BCL3: variants seen among roughly 807,000 people sequenced by gnomAD.
The protein encoded by BCL3 is B-cell lymphoma 3 protein.
BCL3 carries 15 observed loss-of-function variants against 35.7 expected under a neutral mutation model. The observed-to-expected ratio is 0.42, with a 90% CI of 0.28 to 0.65. The LOEUF (loss-of-function observed/expected upper bound fraction) is 0.65. BCL3 is among the 30% of genes least tolerant of loss of function. BCL3 has a pLI of 0.22. For synonymous variants in BCL3, 311 were observed against 284.3 expected (o/e 1.09, Z -0.95); for missense variants, 565 against 641.7 (o/e 0.88, Z 1.29).
chr19:44,753,535 C>T (rs369237831), intron 2 of BCL3, among the ~76,000 whole-genome samples: 6 of 152,230 alleles, frequency 3.9e-5, no homozygotes, highest in African/African-American at 9.6e-5. Flanking sequence ...CAGCCTCCCC[C>T]CTCCTGGCGC....
Position 44,759,502 on chromosome 19 carries a change from C to T in BCL3, c.1252C>T (p.Pro418Ser). The change falls in exon 9 of 9, where the codon CCT (proline) becomes TCT (serine). Residue 418 changes from proline to serine, a missense_variant. Physicochemically the swap from Pro to Ser is moderately conservative, Grantham distance 74. Coordinates refer to ENST00000164227, the MANE Select transcript of BCL3 (RefSeq NM_005178.5). The part of the protein sequence containing the change: ...PRDPPGFPMA[P>S]PNFFLPSPSP... ...GGACCCCCCTGGATTCCCCATGGCTCCTCCCAATTTCTTCCTTCCTTCCCC... is the reference window on the plus strand; with the variant it reads ...GGACCCCCCTGGATTCCCCATGGCTTCTCCCAATTTCTTCCTTCCTTCCCC... The T allele has an allele frequency of 6.2e-7, 1 of 1,613,234 alleles. No homozygotes were observed. Among genetic ancestry groups the T allele is most frequent in the Non-Finnish European group, 8.5e-7 (1 of 1,179,558 alleles).
At chr19:44,753,058 T>C (rs1157053214) in intron 2 of BCL3, among the ~76,000 whole-genome samples, 1 of 152,094 alleles carries the variant, frequency 6.6e-6, no homozygotes, top group Non-Finnish European at 1.5e-5. Context: ...TAGGATTCAG[T>C]GAGATCTTGT....
At chr19:44,751,056 G>A (rs966079430) in intron 1 of BCL3, among the ~76,000 whole-genome samples, 171 bp from the exon 2 acceptor site, 1 of 152,126 alleles carries the variant, frequency 6.6e-6, no homozygotes, top group East Asian at 1.9e-4. Flanking sequence ...CCAGAGGAGG[G>A]ACGTGGAAGG....
intron 2 of BCL3, among the ~76,000 whole-genome samples, chr19:44,754,085 A>C (rs1422692831): frequency 6.6e-6 from 1 of 152,178 alleles, no homozygotes; most frequent in Non-Finnish European, 1.5e-5. Flanking sequence ...CCAAAGGGCC[A>C]GGGTTTGAGG....
At chr19:44,756,464 G>C (rs1231214655) in intron 3 of BCL3, 124 bp downstream of exon 3, 2 of 687,840 alleles carry the variant, frequency 2.9e-6, no homozygotes, top group Non-Finnish European at 4.3e-6. Flanking sequence ...CTGGGTCTGA[G>C]GGAGGAGGGA....
At chr19:44,753,653 C>T (rs2122289045) in intron 2 of BCL3, among the ~76,000 whole-genome samples, 1 of 152,114 alleles carries the variant, frequency 6.6e-6, no homozygotes, top group East Asian at 1.9e-4. Flanking sequence ...CGGGGGAGGG[C>T]AGTGGGGGCG....
chr19:44,759,708 C>CCT lies in BCL3; in HGVS notation c.*94_*95insTC. The CCT allele has an allele frequency of 1.2e-5, 1 of 80,080 alleles. No individual in the cohort carries two copies. The highest frequency in any genetic ancestry group is 1.8e-5 in the Non-Finnish European group (1 of 54,826). 5.0% of individuals were successfully genotyped at this position (80,080 alleles called of 1,614,324 possible). A position where few individuals can be genotyped will look rare whatever the true frequency, so the allele number is the denominator to read the frequency against. ...TGGAAACTGTGAAGATCTCACTCTG[C>CCT]CCCCCCCCCCCATCTTCGGGACCAG... is the stretch of plus-strand genomic sequence containing the variant. On this transcript the variant is annotated 3_prime_UTR_variant, in exon 9 of 9. Coordinates refer to ENST00000164227, the MANE Select transcript of BCL3 (RefSeq NM_005178.5).
intron 2 of BCL3, among the ~76,000 whole-genome samples, chr19:44,751,664 C>T (rs950265631): frequency 6.6e-6 from 1 of 152,124 alleles, no homozygotes; most frequent in African/African-American, 2.4e-5. Flanking sequence ...TGCAGTGGCA[C>T]GATCTCAGCT....
At chr19:44,751,721 C>G (rs958505147) in intron 2 of BCL3, among the ~76,000 whole-genome samples, 1 of 152,182 alleles carries the variant, frequency 6.6e-6, no homozygotes, top group Non-Finnish European at 1.5e-5. Context: ...CATGCCACAG[C>G]CTCCCGAGTA....
In BCL3 at chr19:44,754,845, C is replaced by G. The variant is rs555372877; in HGVS notation, c.411-1387C>G. On this transcript the variant is annotated intron_variant, in intron 2 of 8. Transcript: ENST00000164227. ...ACGCTGTACTTTACATAAGAGAAAACTGAGGCTCCGAAAGGCCCCCATGGC... is the reference window on the plus strand; with the variant it reads ...ACGCTGTACTTTACATAAGAGAAAAGTGAGGCTCCGAAAGGCCCCCATGGC... Among the ~76,000 whole-genome samples the G allele has an allele frequency of 3.9e-5, 6 of 152,394 alleles. No individual in the cohort carries two copies. In the East Asian group the frequency reaches 1.2e-3, roughly 29 times the overall value.
At chr19:44,748,685 G>A, upstream of BCL3, 2 of 1,043,538 alleles carry the variant, frequency 1.9e-6, no homozygotes, top group Non-Finnish European at 2.3e-6. Flanking sequence ...GCCGACAAAA[G>A]TCCCTTCAGT....
rs1444310666 is a variant in BCL3, at chr19:44,757,449, G to C, written c.813+34G>C. ...GCACTAGGAGCTGGGAGGGAGCGGG[G>C]CCTTAGCAGGGGCGGGGTCTTGGCG... On this transcript the variant is annotated intron_variant, in intron 5 of 8. Coordinates refer to ENST00000164227, the MANE Select transcript of BCL3 (RefSeq NM_005178.5). The surrounding 1 kb of genome is among the most constrained non-coding windows in gnomAD (Gnocchi z 8.4). The C allele has an allele frequency of 6.7e-7, 1 of 1,500,914 alleles. No individual in the cohort carries two copies. The highest frequency in any genetic ancestry group is 2.4e-5 in the East Asian group (1 of 40,938). The allele number at this position is 1,500,914 out of a possible 1,614,324, so 93.0% of individuals were successfully genotyped here.
At position 44,751,290 on chromosome 19, in the gene BCL3, C is replaced by T; in HGVS notation, c.320C>T (p.Pro107Leu). The T allele has an allele frequency of 6.2e-7, 1 of 1,610,784 alleles. No individual in the cohort carries two copies. The highest frequency in any genetic ancestry group is 1.3e-5 in the African/African-American group (1 of 74,736). ...MGSPFPLVNL[P>L]TPLYPMMCPM... ...TCCCCGTTTCCTCTGGTGAACCTGCCTACACCCCTATACCCCATGATGTGC... is the reference window on the plus strand; with the variant it reads ...TCCCCGTTTCCTCTGGTGAACCTGCTTACACCCCTATACCCCATGATGTGC... The change falls in exon 2 of 9, where the codon CCT becomes CTT. Residue 107 changes from proline (P) to leucine (L), a missense_variant. This residue lies in a region of BCL3 where 267 missense variants were observed against 281.5 expected (regional missense o/e 0.95). Transcript: ENST00000164227.
rs1340127512 is a variant in BCL3, at chr19:44,759,815, A to T, written c.*200A>T. ...TTCCCCCATCTCGCTCCCTCCCAGG[A>T]CTCTGACCCCAGCATTCTCAGGCAC... On this transcript the variant is annotated 3_prime_UTR_variant, in exon 9 of 9. Transcript: ENST00000164227. The T allele has an allele frequency of 3.1e-5, 15 of 481,346 alleles. No homozygotes were observed. Among genetic ancestry groups the T allele is most frequent in the Non-Finnish European group, 4.7e-5 (13 of 277,520 alleles). 29.8% of individuals were successfully genotyped at this position (481,346 alleles called of 1,614,324 possible). A position where few individuals can be genotyped will look rare whatever the true frequency, so the allele number is the denominator to read the frequency against.
upstream of BCL3, chr19:44,748,081 A>T (rs1967099080): frequency 7.5e-7 from 1 of 1,340,678 alleles, no homozygotes; most frequent in African/African-American, 1.5e-5. Context: ...CCCACTAAGG[A>T]GGAAACGGCT....
Position 44,759,707 on chromosome 19 carries a change from G to GT in BCL3, c.*92_*93insT. On this transcript the variant is annotated 3_prime_UTR_variant, in exon 9 of 9. Transcript: ENST00000164227. Reference sequence around the variant, plus strand: ...CTGGAAACTGTGAAGATCTCACTCTGCCCCCCCCCCCCATCTTCGGGACCA... The same window carrying GT: ...CTGGAAACTGTGAAGATCTCACTCTGTCCCCCCCCCCCCATCTTCGGGACCA... 1 of 539,136 alleles carries GT rather than the reference G, an allele frequency of 1.9e-6. No individual in the cohort carries two copies. The allele number at this position is 539,136 out of a possible 1,614,324, so 33.4% of individuals were successfully genotyped here. A position where few individuals can be genotyped will look rare whatever the true frequency, so the allele number is the denominator to read the frequency against.
intron 8 of BCL3, 85 bp from the exon 9 acceptor site, chr19:44,759,343 C>CTCAGACCCCCAGCCCCTCCTCCA: frequency 9.1e-7 from 1 of 1,098,322 alleles, no homozygotes; most frequent in South Asian, 1.3e-5. Context: ...CCCCTCCTCC[C>CTCAGACCCCCAGCCCCTCCTCCA]TCAGACCCAG....
intron 8 of BCL3, among the ~76,000 whole-genome samples, 189 bp from the exon 9 acceptor site, chr19:44,759,239 C>A (rs1259713256): frequency 7.3e-6 from 1 of 137,574 alleles, no homozygotes; most frequent in South Asian, 2.6e-4. Context: ...TTCCTTCAGA[C>A]CCAGGAGTCT....
Position 44,758,753 on chromosome 19 carries a change from C to A in BCL3, c.1089C>A (p.Thr363=). The A allele has an allele frequency of 6.2e-7, 1 of 1,605,570 alleles. No homozygotes were observed. The part of the protein sequence containing the change: ...RVIDILRGKA[T]RPASTSQPDP... Reference sequence around the variant, plus strand: ...TCGACATCCTGAGGGGGAAGGCCACCCGGCCTGCTTCCACCTCCCAGCCAG... The same window carrying A: ...TCGACATCCTGAGGGGGAAGGCCACACGGCCTGCTTCCACCTCCCAGCCAG... The change falls in exon 8 of 9, where the codon ACC becomes ACA. Residue 363 remains threonine, a synonymous_variant. Coordinates refer to ENST00000164227, the MANE Select transcript of BCL3 (RefSeq NM_005178.5).
Sources: gnomAD v4.1 joint callset for allele counts (sites outside exome capture counted in the v4.1 genomes callset) on GRCh38, gnomAD v4.1.1 for gene constraint, gnomAD v4.1.1 regional missense constraint, Gnocchi (gnomAD v3.1) non-coding constraint, MANE v1.5 for transcripts, NCBI Gene and HGNC (gene_info 2026-07-23, HGNC 2026-07-21) for gene names.